HNRNPLL: variants seen among roughly 807,000 people sequenced by gnomAD.
The protein encoded by HNRNPLL is heterogeneous nuclear ribonucleoprotein L-like.
HNRNPLL carries 25 observed loss-of-function variants against 67.1 expected under a neutral mutation model. The observed-to-expected ratio is 0.37, with a 90% CI of 0.27 to 0.52. The LOEUF (loss-of-function observed/expected upper bound fraction) is 0.52. HNRNPLL is among the 20% of genes least tolerant of loss of function. The pLI, the probability that HNRNPLL is intolerant of heterozygous loss-of-function variation, is 0.90. For synonymous variants in HNRNPLL, 267 were observed against 241.7 expected, an observed-to-expected ratio of 1.10 and a Z score of -0.97; for missense variants, 542 against 673.9, an observed-to-expected ratio of 0.80 and a Z score of 2.17.
chr2:38,600,514 C>T (rs1244626109), intron 1 of HNRNPLL, among the ~76,000 whole-genome samples: 1 of 151,970 alleles, frequency 6.6e-6, no homozygotes, highest in African/African-American at 2.4e-5. Flanking sequence ...ATCTCTTGAG[C>T]CCAGGAGTTA....
chr2:38,602,250 G>C (rs2278360), intron 1 of HNRNPLL, 188 bp downstream of exon 1: 11 of 576,380 alleles, frequency 1.9e-5, no homozygotes, highest in Non-Finnish European at 3.2e-5. Flanking sequence ...ACGGCGCCGG[G>C]TTCGCAGTCG....
At chr2:38,570,193 T>C (rs77891038) in intron 8 of HNRNPLL, among the ~76,000 whole-genome samples, 2,456 of 152,342 alleles carry the variant, frequency 0.016, 63 homozygotes, top group African/African-American at 0.057. Flanking sequence ...GGCAATATAC[T>C]TAACTTCTCT....
intron 2 of HNRNPLL, among the ~76,000 whole-genome samples, chr2:38,590,864 G>C (rs1191766557): frequency 6.6e-6 from 1 of 152,170 alleles, no homozygotes; most frequent in Middle Eastern, 3.4e-3. Flanking sequence ...AATTACCCGG[G>C]CATAGTGACA....
intron 1 of HNRNPLL, among the ~76,000 whole-genome samples, chr2:38,600,796 C>A (rs1017495425): frequency 2.0e-5 from 3 of 152,126 alleles, no homozygotes; most frequent in Non-Finnish European, 4.4e-5. Flanking sequence ...TTGACCACCC[C>A]CAAGCCCTAC....
intron 8 of HNRNPLL, among the ~76,000 whole-genome samples, chr2:38,572,946 A>T (rs1666149509): frequency 6.6e-6 from 1 of 152,048 alleles, no homozygotes; most frequent in Non-Finnish European, 1.5e-5. Flanking sequence ...GGCCTCTCAT[A>T]CCATAGTAGT....
chr2:38,568,572 T>G (rs935463066), intron 10 of HNRNPLL, 129 bp from the exon 11 acceptor site: 23 of 616,518 alleles, frequency 3.7e-5, no homozygotes, highest in Non-Finnish European at 6.5e-5. Flanking sequence ...AAGTATGTTT[T>G]CTACATTAAT....
At chr2:38,570,268 T>G (rs1022956329) in intron 8 of HNRNPLL, among the ~76,000 whole-genome samples, 8 of 152,220 alleles carry the variant, frequency 5.3e-5, no homozygotes, top group African/African-American at 1.9e-4. Context: ...ATATTTACTC[T>G]TTCAACAAAT....
chr2:38,589,493 C>T (rs374677380), intron 2 of HNRNPLL, among the ~76,000 whole-genome samples: 1 of 152,194 alleles, frequency 6.6e-6, no homozygotes, highest in Non-Finnish European at 1.5e-5. Flanking sequence ...CCTATTACAC[C>T]TATTTATGCC....
intron 1 of HNRNPLL, among the ~76,000 whole-genome samples, chr2:38,594,085 G>C (rs902205477): frequency 6.6e-6 from 1 of 151,416 alleles, no homozygotes; most frequent in African/African-American, 2.4e-5. Flanking sequence ...TGAGGCAGGA[G>C]AATGGCGTGA....
At chr2:38,601,188 T>C (rs1558551106) in intron 1 of HNRNPLL, among the ~76,000 whole-genome samples, 1 of 152,234 alleles carries the variant, frequency 6.6e-6, no homozygotes, top group Non-Finnish European at 1.5e-5. Flanking sequence ...TCTAAAGTAA[T>C]AGCTAACACC....
chr2:38,572,258 G>T (rs1358512748), intron 8 of HNRNPLL, among the ~76,000 whole-genome samples: 5 of 151,964 alleles, frequency 3.3e-5, no homozygotes, highest in Admixed American at 3.3e-4. Context: ...TCAAATGGTT[G>T]ACAAAATTCT....
chr2:38,575,735 G>T (rs1036509168), intron 7 of HNRNPLL, among the ~76,000 whole-genome samples: 1 of 151,790 alleles, frequency 6.6e-6, no homozygotes, highest in South Asian at 2.1e-4. Flanking sequence ...ATCCCAAAAT[G>T]CAAGTAAACC....
At chr2:38,594,931 C>T (rs1449500948) in intron 1 of HNRNPLL, among the ~76,000 whole-genome samples, 1 of 149,114 alleles carries the variant, frequency 6.7e-6, no homozygotes, top group Non-Finnish European at 1.5e-5. Context: ...GCAACAGAGC[C>T]TCCATCTCAA....
At chr2:38,600,625 C>G (rs559260102) in intron 1 of HNRNPLL, among the ~76,000 whole-genome samples, 3 of 151,726 alleles carry the variant, frequency 2.0e-5, no homozygotes, top group African/African-American at 7.3e-5. Flanking sequence ...CCCAGCAACC[C>G]GGGAGGCTGA....
At chr2:38,596,180 T>A (rs887551275) in intron 1 of HNRNPLL, among the ~76,000 whole-genome samples, 1 of 152,162 alleles carries the variant, frequency 6.6e-6, no homozygotes, top group Admixed American at 6.5e-5. Context: ...TTCCCCCTTT[T>A]CCCCCAAAAT....
intron 2 of HNRNPLL, among the ~76,000 whole-genome samples, chr2:38,587,773 G>C (rs1238468820): frequency 6.6e-6 from 1 of 152,178 alleles, no homozygotes; most frequent in African/African-American, 2.4e-5. Flanking sequence ...GTGTGGCTCT[G>C]TGTCCCCATC....
Position 38,602,861 on chromosome 2 carries a change from C to A in HNRNPLL, c.-235G>T. 1 of 1,549,528 alleles carries A rather than the reference C, an allele frequency of 6.5e-7. No individual in the cohort carries two copies. The highest frequency in any genetic ancestry group is 8.7e-7 in the Non-Finnish European group (1 of 1,146,382). On this transcript the variant is annotated 5_prime_UTR_variant, in exon 1 of 13. Coordinates refer to ENST00000449105, the MANE Select transcript of HNRNPLL (RefSeq NM_138394.4). ...GCGGCCGCTCCTCTCAATTACCGAGCCAACATTCAGCCTCTCCCTCCTCCT... is the reference window on the plus strand; with the variant it reads ...GCGGCCGCTCCTCTCAATTACCGAGACAACATTCAGCCTCTCCCTCCTCCT...
chr2:38,565,551 A>G (rs563713757), intron 12 of HNRNPLL, among the ~76,000 whole-genome samples: 4 of 151,908 alleles, frequency 2.6e-5, no homozygotes, highest in Non-Finnish European at 5.9e-5. Flanking sequence ...ATGTAAAAAA[A>G]ATTTAAAAAT....
chr2:38,575,718 T>C (rs1666276495), intron 7 of HNRNPLL, among the ~76,000 whole-genome samples: 1 of 151,844 alleles, frequency 6.6e-6, no homozygotes, highest in Non-Finnish European at 1.5e-5. Flanking sequence ...AGGTCATCTA[T>C]AAGGTGATCC....
Sources: gnomAD v4.1 joint callset for allele counts (sites outside exome capture counted in the v4.1 genomes callset) on GRCh38, gnomAD v4.1.1 for gene constraint, MANE v1.5 for transcripts, NCBI Gene and HGNC (gene_info 2026-07-23, HGNC 2026-07-21) for gene names.